STK32C: variants seen among roughly 807,000 people sequenced by gnomAD.
STK32C encodes serine/threonine kinase 32C.
Under a neutral mutation model 56.5 loss-of-function variants are expected in STK32C, and 31 were observed. That is an observed-to-expected ratio of 0.55 (90% CI 0.41 to 0.74). STK32C has a LOEUF of 0.74. Among genes scored for constraint, STK32C ranks in the 30% least tolerant of loss-of-function variants. The pLI is 0.00. For synonymous variants in STK32C, 309 were observed against 289.4 expected (o/e 1.07, Z -0.69); for missense variants, 544 against 676.9 (o/e 0.80, Z 2.18).
At chr10:132,242,258 G>A (rs965352530) in intron 2 of STK32C, among the ~76,000 whole-genome samples, 2 of 152,046 alleles carry the variant, frequency 1.3e-5, no homozygotes, top group Non-Finnish European at 2.9e-5. Flanking sequence ...GCCATGAGCT[G>A]GGAGCTGCTG....
intron 1 of STK32C, among the ~76,000 whole-genome samples, chr10:132,268,141 CATT>C (rs2064648448): frequency 1.5e-5 from 2 of 132,294 alleles, no homozygotes; most frequent in Non-Finnish European, 3.1e-5. Flanking sequence ...GCATGCGTCA[CATT>C]GTGTGTGTGT....
chr10:132,279,223 G>A (rs186393594), intron 1 of STK32C, among the ~76,000 whole-genome samples: 1 of 152,298 alleles, frequency 6.6e-6, no homozygotes, highest in East Asian at 1.9e-4. Context: ...CACGACTGAA[G>A]TGTAAGAACA....
At chr10:132,244,041 A>G (rs7098863) in intron 2 of STK32C, among the ~76,000 whole-genome samples, 7,788 of 152,214 alleles carry the variant, frequency 0.051, 223 homozygotes, top group African/African-American at 0.075. Flanking sequence ...CACACGCAGA[A>G]CCACCCTTCT....
chr10:132,330,397 C>T, intron 1 of STK32C: 1 of 716,386 alleles, frequency 1.4e-6, no homozygotes, highest in Non-Finnish European at 2.6e-6. Flanking sequence ...CACGGCAACA[C>T]CCATGTCACT....
At chr10:132,246,557 A>G (rs188635030) in intron 1 of STK32C, among the ~76,000 whole-genome samples, 1 of 152,284 alleles carries the variant, frequency 6.6e-6, no homozygotes, top group East Asian at 1.9e-4. Flanking sequence ...GCCTGCGCCC[A>G]GCATGAGAGC....
chr10:132,282,343 C>G (rs1462770936), intron 1 of STK32C, among the ~76,000 whole-genome samples: 2 of 152,256 alleles, frequency 1.3e-5, no homozygotes, highest in African/African-American at 4.8e-5. Flanking sequence ...AAAGTCCTCT[C>G]TGAGACAGCT....
rs372074761 is a variant in STK32C, at chr10:132,280,605, C to A, written c.262+26967G>T. Among the ~76,000 whole-genome samples, 57 of 148,462 alleles carry A rather than the reference C, an allele frequency of 3.8e-4. No homozygotes were observed. In the South Asian group the frequency reaches 0.011, roughly 28 times the overall value. Reference sequence around the variant, plus strand: ...TGCACCCTGTGATCACGCCACTCCACTCTGTGACCACGCCCCTGCACTCCG... The same window carrying A: ...TGCACCCTGTGATCACGCCACTCCAATCTGTGACCACGCCCCTGCACTCCG... On this transcript the variant is annotated intron_variant, in intron 1 of 11. Transcript: ENST00000298630.
intron 2 of STK32C, among the ~76,000 whole-genome samples, chr10:132,245,450 CCAGG>C (rs1252285752): frequency 1.3e-5 from 2 of 152,260 alleles, no homozygotes; most frequent in African/African-American, 4.8e-5. Context: ...CGGGCTCCGT[CCAGG>C]CCGGCAAACA....
At chr10:132,290,567 G>C (rs896821784) in intron 1 of STK32C, among the ~76,000 whole-genome samples, 2 of 152,218 alleles carry the variant, frequency 1.3e-5, no homozygotes, top group Non-Finnish European at 2.9e-5. Flanking sequence ...TCATCTGACT[G>C]TTCTGACGTT....
rs550886393 is a variant in STK32C at position 132,252,386 on chromosome 10, T to C, written c.263-6431A>G. 2.7e-4 allele frequency among the ~76,000 whole-genome samples: 41 copies of C among 152,350 alleles called. No homozygotes were observed. The South Asian group carries it at 8.5e-3, about 32-fold the overall frequency. On this transcript the variant is annotated intron_variant, in intron 1 of 11. Transcript: ENST00000298630. ...CTGAAGGGGACATTTGGCAAAGAAG[T>C]GTGGGCATGGGTCGTGATTACGGGG... is the stretch of plus-strand genomic sequence containing the variant.
intron 2 of STK32C, among the ~76,000 whole-genome samples, chr10:132,245,421 C>G (rs1350071055): frequency 3.3e-5 from 5 of 151,800 alleles, no homozygotes; most frequent in East Asian, 4.2e-4. Context: ...CAAGAGAAAA[C>G]AAAAGGAGAG....
At chr10:132,263,716 G>C (rs1172177674) in intron 1 of STK32C, among the ~76,000 whole-genome samples, 1 of 145,568 alleles carries the variant, frequency 6.9e-6, no homozygotes, top group Admixed American at 6.7e-5. Flanking sequence ...AAAAAAAAAA[G>C]ATAGCTGGGC....
chr10:132,297,192 A>G (rs896088510), intron 1 of STK32C, among the ~76,000 whole-genome samples: 17 of 152,178 alleles, frequency 1.1e-4, no homozygotes, highest in Admixed American at 3.9e-4. Context: ...CCAATGACAG[A>G]GGACTCCCCT....
At chr10:132,222,070 C>T (rs2062690625) in intron 10 of STK32C, among the ~76,000 whole-genome samples, 1 of 138,404 alleles carries the variant, frequency 7.2e-6, no homozygotes, top group African/African-American at 2.7e-5. Flanking sequence ...AACATCAACG[C>T]ACCTGGGCGA....
intron 1 of STK32C, chr10:132,330,261 CAAT>C: frequency 1.8e-6 from 1 of 568,542 alleles, no homozygotes; most frequent in East Asian, 2.9e-5. Flanking sequence ...CCTGAGGCAA[CAAT>C]AACAAGCAAG....
intron 10 of STK32C, among the ~76,000 whole-genome samples, chr10:132,212,953 T>G (rs1407358589): frequency 6.6e-6 from 1 of 152,196 alleles, no homozygotes; most frequent in Non-Finnish European, 1.5e-5. Context: ...TGGGAACACC[T>G]CCTGGGCAGC....
chr10:132,268,712 C>CGT (rs781774207), intron 1 of STK32C, among the ~76,000 whole-genome samples: 44 of 101,868 alleles, frequency 4.3e-4, no homozygotes, highest in African/African-American at 1.1e-3. Flanking sequence ...TGTCTCACAT[C>CGT]GTGTGTGTGT....
intron 4 of STK32C, 128 bp downstream of exon 4, chr10:132,226,667 G>C (rs2062903142): frequency 8.7e-7 from 1 of 1,144,750 alleles, no homozygotes; most frequent in Non-Finnish European, 1.2e-6. Flanking sequence ...CAGGCACTCA[G>C]GCAAGGGTGG....
chr10:132,280,548 G>A (rs1264875133), intron 1 of STK32C, among the ~76,000 whole-genome samples: 2 of 123,080 alleles, frequency 1.6e-5, no homozygotes, highest in Non-Finnish European at 3.4e-5. Flanking sequence ...TCCACACCGT[G>A]ACCACGCCCC....
Sources: allele counts gnomAD v4.1 joint callset (sites outside exome capture counted in the v4.1 genomes callset), GRCh38; gene constraint gnomAD v4.1.1; transcripts MANE v1.5; gene names NCBI Gene and HGNC (gene_info 2026-07-23, HGNC 2026-07-21).